The following ITSN1 variants were observed in gnomAD, a reference collection of about 807,000 sequenced individuals.
The protein encoded by ITSN1 is intersectin 1.
In ITSN1, 58 loss-of-function variants were observed where a neutral mutation model predicts 239.8. The ratio of observed to expected loss-of-function variants is 0.24; its 90% CI spans 0.20 to 0.30. ITSN1 has a LOEUF of 0.30. ITSN1 is among the 10% of genes least tolerant of loss of function. ITSN1 has a pLI of 1.00. For missense variants in ITSN1, 1,558 were observed against 2,103.3 expected (o/e 0.74, Z 5.07); for synonymous variants, 780 against 770.8 (o/e 1.01, Z -0.20).
chr21:33,834,990 C>T (rs1350863486), intron 28 of ITSN1, among the ~76,000 whole-genome samples: 1 of 152,148 alleles, frequency 6.6e-6, no homozygotes, highest in East Asian at 1.9e-4. Flanking sequence ...TGGCTATTTT[C>T]TGATTGAAGG....
chr21:33,780,890 T>C (rs888482187), intron 14 of ITSN1, among the ~76,000 whole-genome samples: 6 of 152,218 alleles, frequency 3.9e-5, no homozygotes, highest in Non-Finnish European at 8.8e-5. Context: ...GTTAAAAAAA[T>C]AGTTGCTTCA....
At chr21:33,829,548 A>C in intron 26 of ITSN1, 76 bp from the exon 27 acceptor site, 2 of 1,498,560 alleles carry the variant, frequency 1.3e-6, no homozygotes, top group South Asian at 1.2e-5. Flanking sequence ...TGAACCTGGG[A>C]GGCGCCTGCA....
intron 34 of ITSN1, among the ~76,000 whole-genome samples, chr21:33,881,323 C>G (rs113860396): frequency 1.3e-5 from 2 of 150,540 alleles, no homozygotes; most frequent in East Asian, 3.9e-4. Context: ...AGGAGAATGG[C>G]GTCAACCCGG....
At chr21:33,839,832 C>T (rs923684311) in intron 29 of ITSN1, among the ~76,000 whole-genome samples, 3 of 152,192 alleles carry the variant, frequency 2.0e-5, no homozygotes, top group African/African-American at 7.2e-5. Flanking sequence ...ATCCATTGGA[C>T]CCCATGATTC....
intron 29 of ITSN1, among the ~76,000 whole-genome samples, chr21:33,843,391 C>T (rs1391655980): frequency 6.6e-6 from 1 of 152,180 alleles, no homozygotes; most frequent in East Asian, 1.9e-4. Flanking sequence ...TTTCAACGCA[C>T]AAGCTTCATG....
intron 16 of ITSN1, among the ~76,000 whole-genome samples, chr21:33,784,443 C>CCAG (rs2070476475): frequency 1.3e-5 from 2 of 152,060 alleles, no homozygotes; most frequent in African/African-American, 2.4e-5. Flanking sequence ...GTTGGGGCTG[C>CCAG]AGTGAGCCAT....
intron 1 of ITSN1, among the ~76,000 whole-genome samples, chr21:33,653,783 CA>C (rs1249346013): frequency 6.6e-6 from 1 of 152,066 alleles, no homozygotes. Flanking sequence ...CGGCCTCCCA[CA>C]GTTCTGGAAT....
chr21:33,750,235 G>A lies in ITSN1; in HGVS notation c.439G>A (p.Val147Ile), dbSNP rs375382856. 118 of 1,613,998 alleles carry A rather than the reference G, an allele frequency of 7.3e-5. 1 individual carries two copies. Among genetic ancestry groups the A allele is most frequent in the Non-Finnish European group, 3.6e-5 (42 of 1,180,012 alleles). The change falls in exon 6 of 40, where the codon GTA (valine) becomes ATA (isoleucine). Residue 147 changes from valine (V) to isoleucine (I), a missense_variant. Physicochemically the swap from Val to Ile is conservative, Grantham distance 29. Around this residue, in one of 2 missense-constraint regions of ITSN1, gnomAD observed 982 missense variants for 1,209.9 expected, o/e 0.81. Coordinates refer to ENST00000381318, the MANE Select transcript of ITSN1 (RefSeq NM_003024.3). ...AGTTGTTGGAATGTCTCCAACCCTA[G>A]TATCTTCTGTTCCCACAGCAGCTGT... is the stretch of plus-strand genomic sequence containing the variant. ...IPVVGMSPTL[V>I]SSVPTAAVPP...
In ITSN1 at chr21:33,838,245, ACT is replaced by A. The variant is rs962387417; in HGVS notation, c.3661+1616_3661+1617del. 5.1e-6 allele frequency: 5 copies of A among 984,568 alleles called. No individual in the cohort carries two copies. In the African/African-American group the frequency reaches 8.8e-5, roughly 17 times the overall value. 61.0% of individuals were successfully genotyped at this position (984,568 alleles called of 1,614,324 possible). A position where few individuals can be genotyped will look rare whatever the true frequency, so the allele number is the denominator to read the frequency against. The stretch of plus-strand genomic sequence containing the variant: ...GCACAATCTAGCTGTCCTCCTAAAG[ACT>A]CTGTAATGCTCACTCCCCTCGCGTT... On this transcript the variant is annotated intron_variant, in intron 29 of 39. Transcript: ENST00000381318.
chr21:33,668,866 T>C (rs754966528), intron 1 of ITSN1, among the ~76,000 whole-genome samples: 171 of 152,288 alleles, frequency 1.1e-3, no homozygotes, highest in Non-Finnish European at 2.1e-3. Flanking sequence ...GGCTCCTCCG[T>C]CCTGCTTCTT....
At chr21:33,757,635 G>T (rs1479990684) in intron 8 of ITSN1, among the ~76,000 whole-genome samples, 1 of 151,974 alleles carries the variant, frequency 6.6e-6, no homozygotes, top group Non-Finnish European at 1.5e-5. Context: ...GATTTGTTGA[G>T]GTGGATGGAA....
At chr21:33,708,236 TAG>T (rs2092309044) in intron 1 of ITSN1, among the ~76,000 whole-genome samples, 2 of 152,252 alleles carry the variant, frequency 1.3e-5, no homozygotes, top group Non-Finnish European at 2.9e-5. Flanking sequence ...AAGAGTTCTT[TAG>T]ATATTGTGGA....
intron 14 of ITSN1, among the ~76,000 whole-genome samples, chr21:33,776,720 G>A (rs775934786): frequency 1.3e-5 from 2 of 151,918 alleles, no homozygotes; most frequent in Admixed American, 6.6e-5. Flanking sequence ...GTGCATCTTC[G>A]TTGAAGTGTC....
intron 1 of ITSN1, among the ~76,000 whole-genome samples, chr21:33,669,110 T>G (rs2090100072): frequency 6.6e-6 from 1 of 152,230 alleles, no homozygotes; most frequent in South Asian, 2.1e-4. Context: ...TTTGAGACAG[T>G]CTTGCTCTGT....
chr21:33,696,593 A>G (rs2091804947), intron 1 of ITSN1, among the ~76,000 whole-genome samples: 1 of 152,204 alleles, frequency 6.6e-6, no homozygotes, highest in Non-Finnish European at 1.5e-5. Flanking sequence ...TTTATACAGT[A>G]TGTGCATATT....
intron 1 of ITSN1, among the ~76,000 whole-genome samples, chr21:33,666,480 C>T (rs1017275497): frequency 1.3e-5 from 2 of 152,072 alleles, no homozygotes; most frequent in Admixed American, 6.5e-5. Context: ...ATAAATATTT[C>T]GACATGACGT....
chr21:33,704,964 A>T (rs182066367), intron 1 of ITSN1, among the ~76,000 whole-genome samples: 1 of 150,022 alleles, frequency 6.7e-6, no homozygotes, highest in Non-Finnish European at 1.5e-5. Flanking sequence ...CAAAAACATT[A>T]GCCAGGCGTG....
intron 7 of ITSN1, among the ~76,000 whole-genome samples, chr21:33,752,557 A>G (rs1339961194): frequency 6.6e-6 from 1 of 152,190 alleles, no homozygotes; most frequent in Non-Finnish European, 1.5e-5. Flanking sequence ...ATACTGCTAC[A>G]TTAAGAAGAG....
intron 1 of ITSN1, among the ~76,000 whole-genome samples, chr21:33,674,247 A>G (rs2090465525): frequency 6.6e-6 from 1 of 152,162 alleles, no homozygotes; most frequent in African/African-American, 2.4e-5. Context: ...CAGCTGTTAG[A>G]TATTTAGCAG....
Sources: gnomAD v4.1 joint callset for allele counts (sites outside exome capture counted in the v4.1 genomes callset) on GRCh38, gnomAD v4.1.1 for gene constraint, gnomAD v4.1.1 regional missense constraint, MANE v1.5 for transcripts, NCBI Gene and HGNC (gene_info 2026-07-23, HGNC 2026-07-21) for gene names.